PLCG2: variants seen among roughly 807,000 people sequenced by gnomAD.
PLCG2 encodes the protein phospholipase C gamma 2.
PLCG2 carries 69 observed loss-of-function variants against 175.6 expected under a neutral mutation model. The ratio of observed to expected loss-of-function variants is 0.39; its 90% CI spans 0.32 to 0.48. The LOEUF (loss-of-function observed/expected upper bound fraction) is 0.48. Among genes scored for constraint, PLCG2 ranks in the 20% least tolerant of loss-of-function variants. PLCG2 has a pLI of 0.91. For missense variants in PLCG2, 1,798 were observed against 1,650.9 expected (o/e 1.09, Z -1.54); for synonymous variants, 827 against 624.0 (o/e 1.33, Z -4.85).
rs564314117 is a variant in PLCG2, at chr16:81,802,614, C to T, written c.193+16432C>T. Reference sequence around the variant, plus strand: ...CTGAGTGGAGTTTCACTCTTGTCGCCGGGCTGGAGTGCAGTGGCGCAATCT... The same window carrying T: ...CTGAGTGGAGTTTCACTCTTGTCGCTGGGCTGGAGTGCAGTGGCGCAATCT... On this transcript the variant is annotated intron_variant, in intron 2 of 32. Transcript: ENST00000564138. 3.5e-3 allele frequency among the ~76,000 whole-genome samples: 532 copies of T among 152,062 alleles called. 1 individual carries two copies. The highest frequency in any genetic ancestry group is 5.2e-3 in the Non-Finnish European group (352 of 68,008).
chr16:81,760,748 T>TTAAA (rs1447939537), intron 2 of PLCG2, among the ~76,000 whole-genome samples: 1 of 87,888 alleles, frequency 1.1e-5, no homozygotes, highest in Non-Finnish European at 2.6e-5. Context: ...CCGTCTCTAT[T>TTAAA]AAAAAAAAAA....
chr16:81,941,782 TGCCTCA>T (rs1910952588), intron 30 of PLCG2, among the ~76,000 whole-genome samples: 1 of 151,898 alleles, frequency 6.6e-6, no homozygotes, highest in African/African-American at 2.4e-5. Context: ...CTGTAACCTC[TGCCTCA>T]GCCTCCTCAG....
intron 1 of PLCG2, among the ~76,000 whole-genome samples, chr16:81,742,161 G>GAT (rs1567690606): frequency 2.1e-5 from 3 of 141,884 alleles, no homozygotes; most frequent in Non-Finnish European, 4.6e-5. Context: ...GGGCGGGGGG[G>GAT]GGGGCGGTGT....
chr16:81,785,465 C>T (rs1298625998), intron 1 of PLCG2, among the ~76,000 whole-genome samples: 3 of 150,220 alleles, frequency 2.0e-5, no homozygotes, highest in Non-Finnish European at 3.0e-5. Context: ...ATGGATGATT[C>T]TGAAGGTTTA....
In PLCG2 at chr16:81,931,575, A is replaced by C. The variant is rs369092713; in HGVS notation, c.2660A>C (p.Glu887Ala). The C allele has an allele frequency of 3.3e-4, 532 of 1,613,848 alleles. No individual in the cohort carries two copies. The highest frequency in any genetic ancestry group is 4.3e-4 in the Non-Finnish European group (505 of 1,179,948). The change falls in exon 25 of 33, where the codon GAG becomes GCG. Residue 887 changes from glutamate to alanine, a missense_variant. Transcript: ENST00000564138. ...EPKQQGDPPV[E>A]FATDRVEELF... is the part of the protein sequence containing the mutation. ...AAGCAGCAGGGCGATCCTCCGGTGG[A>C]GTTTGCCACAGACAGGGTGGAGGAG... is the stretch of plus-strand genomic sequence containing the variant.
rs1282562027 is a variant in PLCG2, at chr16:81,961,347, A to C, written c.*3349A>C. On this transcript the variant is annotated 3_prime_UTR_variant, in exon 33 of 33. Transcript: ENST00000564138. ...ATCTACATAGATGAAATAATTGTGGAGAAAAGCCCTCTTTATCTCATTAAG... is the reference window on the plus strand; with the variant it reads ...ATCTACATAGATGAAATAATTGTGGCGAAAAGCCCTCTTTATCTCATTAAG... 1 of 226,054 alleles carries C rather than the reference A, an allele frequency of 4.4e-6. No homozygotes were observed. The allele number at this position is 226,054 out of a possible 1,614,324, so 14.0% of individuals were successfully genotyped here. A position where few individuals can be genotyped will look rare whatever the true frequency, so the allele number is the denominator to read the frequency against.
rs759639001 is a variant in PLCG2, at chr16:81,803,596, C to CCTT, written c.193+17414_193+17415insCTT. On this transcript the variant is annotated intron_variant, in intron 2 of 32. Transcript: ENST00000564138. ...CCTTTCCTTTCCTTTCTTTTCTTTT[C>CCTT]TCCTTTTCTTTTCTTTTCTTTTCCT... Among the ~76,000 whole-genome samples the CCTT allele has an allele frequency of 5.7e-4, 49 of 86,252 alleles. No homozygotes were observed. The South Asian group carries it at 0.014, about 25-fold the overall frequency. 56.6% of individuals were successfully genotyped at this position (86,252 alleles called of 152,430 possible).
chr16:81,924,014 G>A (rs1032851880), intron 22 of PLCG2, among the ~76,000 whole-genome samples: 2 of 152,204 alleles, frequency 1.3e-5, no homozygotes, highest in African/African-American at 2.4e-5. Context: ...TAGTGCAGGC[G>A]CTTTCCAATA....
chr16:81,811,549 G>A (rs1567476617), intron 2 of PLCG2, among the ~76,000 whole-genome samples: 4 of 151,978 alleles, frequency 2.6e-5, no homozygotes. Flanking sequence ...GCCCCAGTGT[G>A]TGGTGTTCCC....
rs1365375472 is a variant in PLCG2, at chr16:81,783,820, A to G, written c.-47-2123A>G. Among the ~76,000 whole-genome samples the G allele has an allele frequency of 8.0e-5, 11 of 137,808 alleles. No homozygotes were observed. In the Admixed American group the frequency reaches 8.5e-4, roughly 11 times the overall value. 90.4% of individuals were successfully genotyped at this position (137,808 alleles called of 152,430 possible). ...TCCTGATAAGGTAAGATGCACATTA[A>G]CTCTCAGCAGGGTTTTTTTTTAGCA... On this transcript the variant is annotated intron_variant, in intron 1 of 32. Coordinates refer to ENST00000564138, the MANE Select transcript of PLCG2 (RefSeq NM_002661.5).
At chr16:81,770,647 A>G (rs8047887) in intron 2 of PLCG2, among the ~76,000 whole-genome samples, 151,390 of 152,288 alleles carry the variant, frequency 0.99, 75,259 homozygotes, top group Middle Eastern at 1. Context: ...CCCGGCGGAG[A>G]GGGCAGAGGT....
intron 1 of PLCG2, among the ~76,000 whole-genome samples, chr16:81,750,798 C>G (rs1202836022): frequency 1.3e-5 from 2 of 149,016 alleles, no homozygotes; most frequent in African/African-American, 4.9e-5. Flanking sequence ...CTCCCGAGTA[C>G]TTGGGACTAC....
intron 18 of PLCG2, among the ~76,000 whole-genome samples, chr16:81,911,115 A>G (rs1328238031): frequency 6.6e-6 from 1 of 152,170 alleles, no homozygotes; most frequent in Non-Finnish European, 1.5e-5. Context: ...TAGTGAAATG[A>G]GTATCAAGGT....
chr16:81,769,741 A>T (rs1056878087), intron 2 of PLCG2, among the ~76,000 whole-genome samples: 3 of 140,936 alleles, frequency 2.1e-5, no homozygotes, highest in African/African-American at 7.9e-5. Flanking sequence ...AATGGCGTGA[A>T]CCCGGGAGGC....
intron 21 of PLCG2, among the ~76,000 whole-genome samples, chr16:81,922,140 G>C (rs138040387): frequency 3.3e-5 from 5 of 152,272 alleles, no homozygotes; most frequent in African/African-American, 4.8e-5. Flanking sequence ...GTTTGCAGGT[G>C]GGGGAGAGAA....
At chr16:81,754,348 A>C (rs1257495618) in intron 1 of PLCG2, among the ~76,000 whole-genome samples, 11 of 17,908 alleles carry the variant, frequency 6.1e-4, no homozygotes, top group East Asian at 1.6e-3. Context: ...GCCCATCCCC[A>C]CCTCCTCCCC....
chr16:81,817,038 A>G (rs1378398327), intron 2 of PLCG2, among the ~76,000 whole-genome samples: 3 of 152,192 alleles, frequency 2.0e-5, no homozygotes, highest in Admixed American at 1.3e-4. Context: ...TGCTGGGGAA[A>G]TAGAGGCACA....
At chr16:81,940,780 AAC>A (rs900114334) in intron 30 of PLCG2, among the ~76,000 whole-genome samples, 1 of 152,206 alleles carries the variant, frequency 6.6e-6, no homozygotes, top group Non-Finnish European at 1.5e-5. Context: ...CATTTACAAA[AAC>A]AAAAAAAACT....
rs114620875 is a variant in PLCG2 at position 81,920,843 on chromosome 16, G to A, written c.2236-355G>A. ...AGTTTCAAGTTGTTGATGTGCTGTC[G>A]TTGAACCTGGAACGTGGAGTCAGGA... is the stretch of plus-strand genomic sequence containing the variant. On this transcript the variant is annotated intron_variant, in intron 20 of 32. Transcript: ENST00000564138. Among the ~76,000 whole-genome samples the A allele has an allele frequency of 7.4e-3, 1,134 of 152,262 alleles. 8 individuals carry two copies. The highest frequency in any genetic ancestry group is 0.026 in the African/African-American group (1,072 of 41,520).
Sources: allele counts gnomAD v4.1 joint callset (sites outside exome capture counted in the v4.1 genomes callset), GRCh38; gene constraint gnomAD v4.1.1; transcripts MANE v1.5; gene names NCBI Gene and HGNC (gene_info 2026-07-23, HGNC 2026-07-21).